Variants in GRID2 observed in about 807,000 individuals in gnomAD.
GRID2 encodes glutamate receptor ionotropic, delta-2.
A neutral mutation model predicts 114.8 loss-of-function variants in GRID2; 33 were observed. The observed-to-expected ratio is 0.29, with a 90% CI of 0.22 to 0.38. The LOEUF is 0.38. Among genes scored for constraint, GRID2 ranks in the 10% least tolerant of loss-of-function variants. GRID2 has a pLI of 1.00. For missense variants in GRID2, 1,184 were observed against 1,257.7 expected, an observed-to-expected ratio of 0.94 and a Z score of 0.89; for synonymous variants, 505 against 449.9, an observed-to-expected ratio of 1.12 and a Z score of -1.55.
At chr4:92,510,358 TC>T (rs377469984) in intron 1 of GRID2, among the ~76,000 whole-genome samples, 12 of 151,990 alleles carry the variant, frequency 7.9e-5, no homozygotes, top group African/African-American at 2.6e-4. Flanking sequence ...ATTTGAGATA[TC>T]CATTAGACAT....
chr4:92,572,139 G>A (rs1367895339), intron 1 of GRID2, among the ~76,000 whole-genome samples: 1 of 151,908 alleles, frequency 6.6e-6, no homozygotes, highest in Non-Finnish European at 1.5e-5. Flanking sequence ...CTGCTAGCAA[G>A]ACTAATAAAG....
chr4:92,363,497 T>C (rs527400817), intron 1 of GRID2, among the ~76,000 whole-genome samples: 13 of 152,196 alleles, frequency 8.5e-5, no homozygotes, highest in Non-Finnish European at 1.8e-4. Context: ...GCCTAAGTAG[T>C]CATACACTCT....
intron 1 of GRID2, among the ~76,000 whole-genome samples, chr4:92,370,336 C>T (rs1182606676): frequency 6.6e-6 from 1 of 152,028 alleles, no homozygotes; most frequent in African/African-American, 2.4e-5. Flanking sequence ...CTCCTTAGTC[C>T]TTGAGAGAAA....
At chr4:93,515,468 T>G in intron 13 of GRID2, 57 bp downstream of exon 13, 1 of 1,148,558 alleles carries the variant, frequency 8.7e-7, no homozygotes, top group South Asian at 1.4e-5. Context: ...CATGCTGGAA[T>G]TGCGCAGTTG....
intron 2 of GRID2, among the ~76,000 whole-genome samples, chr4:92,909,004 ATTGT>A (rs891594627): frequency 1.1e-4 from 17 of 152,166 alleles, no homozygotes; most frequent in African/African-American, 3.9e-4. Flanking sequence ...ACATTAATTG[ATTGT>A]TCAATTTTCT....
chr4:93,807,658 G>A (rs1292850908), exon 2 of GRID2: 2 of 140,510 alleles, frequency 1.4e-5, no homozygotes. Context: ...CCAGCGCTAA[G>A]ATAAGTTTGT....
rs1752461460 is a variant in GRID2, at chr4:92,957,090, AGTCTGTTGCTTGT to A, written c.245-127904_245-127892del. Among the ~76,000 whole-genome samples, 27 of 151,982 alleles carry A rather than the reference AGTCTGTTGCTTGT, an allele frequency of 1.8e-4. 1 individual carries two copies. The highest frequency in any genetic ancestry group is 1.5e-5 in the Non-Finnish European group (1 of 68,008). ...ATGTCTTTTGCACGTATTTTCTCTC[AGTCTGTTGCTTGT>A]TTTATCATTCTCTTGACAGTATCTT... On this transcript the variant is annotated intron_variant, in intron 2 of 15. Coordinates refer to ENST00000282020, the MANE Select transcript of GRID2 (RefSeq NM_001510.4).
At chr4:92,775,815 G>A (rs1467944839) in intron 2 of GRID2, among the ~76,000 whole-genome samples, 1 of 152,064 alleles carries the variant, frequency 6.6e-6, no homozygotes, top group African/African-American at 2.4e-5. Context: ...TATCATAACT[G>A]TCATCCTTCA....
At chr4:92,782,806 G>A (rs932375129) in intron 2 of GRID2, among the ~76,000 whole-genome samples, 2 of 152,004 alleles carry the variant, frequency 1.3e-5, no homozygotes, top group Admixed American at 1.3e-4. Flanking sequence ...CTAGGGAAGT[G>A]GTTTGGAGGA....
rs558471043 is a variant in GRID2, at chr4:93,166,568, G to A, written c.736-40836G>A. ...TAAGGCATGGCCATCTGTAAGGAAT[G>A]CCACACATAAACTATAGAACTATCT... On this transcript the variant is annotated intron_variant, in intron 4 of 15. Transcript: ENST00000282020. Among the ~76,000 whole-genome samples, 4 of 152,282 alleles carry A rather than the reference G, an allele frequency of 2.6e-5. No homozygotes were observed. The South Asian group carries it at 8.3e-4, about 32-fold the overall frequency.
intron 1 of GRID2, among the ~76,000 whole-genome samples, chr4:92,520,968 G>GA (rs1235626864): frequency 2.0e-5 from 3 of 151,084 alleles, no homozygotes; most frequent in East Asian, 2.0e-4. Flanking sequence ...CCTGAGCTGA[G>GA]AAAAAAAGGA....
intron 4 of GRID2, among the ~76,000 whole-genome samples, chr4:93,136,232 TTGTGTGTGTGTGTGTGTGTG>T (rs3970984): frequency 1.3e-4 from 19 of 142,280 alleles, no homozygotes; most frequent in South Asian, 2.4e-4. Context: ...CCAACAGTTA[TTGTGTGTGTGTGTGTGTGTG>T]TGTGTGTGTG....
At chr4:93,309,908 G>A (rs1438001904) in intron 8 of GRID2, among the ~76,000 whole-genome samples, 1 of 152,148 alleles carries the variant, frequency 6.6e-6, no homozygotes, top group Non-Finnish European at 1.5e-5. Context: ...TAATGATAAT[G>A]ATAAAATTGA....
intron 2 of GRID2, among the ~76,000 whole-genome samples, chr4:93,071,946 T>C (rs2149306004): frequency 6.6e-6 from 1 of 152,242 alleles, no homozygotes; most frequent in Non-Finnish European, 1.5e-5. Context: ...TGTTTAAATG[T>C]AATTAAAAAC....
At chr4:92,338,220 A>G (rs76688871) in intron 1 of GRID2, among the ~76,000 whole-genome samples, 1,854 of 152,328 alleles carry the variant, frequency 0.012, 25 homozygotes, top group Non-Finnish European at 0.019. Context: ...ATAGTTTGTT[A>G]TAAATAAAAT....
chr4:92,570,810 C>G (rs1028452974), intron 1 of GRID2, among the ~76,000 whole-genome samples: 3 of 152,002 alleles, frequency 2.0e-5, no homozygotes, highest in Admixed American at 1.3e-4. Context: ...TATCTTGAGA[C>G]TTTGCTAAAA....
Position 93,395,656 on chromosome 4 carries a change from A to G in GRID2, c.1295A>G (p.Lys432Arg), listed in dbSNP as rs1765257394. The change falls in exon 9 of 16, where the codon AAG (lysine) becomes AGG (arginine). Residue 432 changes from lysine to arginine, a missense_variant. Lys to Arg is a conservative substitution (Grantham distance 26). This residue lies in a region of GRID2 where 717 missense variants were observed against 796.9 expected (regional missense o/e 0.90). Transcript: ENST00000282020. Reference sequence around the variant, plus strand: ...GGTCTGAATGGGTCACTGACTGACAAGAAATTGGAGAATAACATGCGTGGA... The same window carrying G: ...GGTCTGAATGGGTCACTGACTGACAGGAAATTGGAGAATAACATGCGTGGA... Reference protein sequence around the residue: ...VTGLNGSLTDKKLENNMRGVV... With the variant: ...VTGLNGSLTDRKLENNMRGVV... The G allele has an allele frequency of 6.3e-7, 1 of 1,585,964 alleles. No homozygotes were observed. The highest frequency in any genetic ancestry group is 1.3e-5 in the African/African-American group (1 of 74,160).
chr4:93,519,352 G>A (rs1031389959), intron 13 of GRID2, among the ~76,000 whole-genome samples: 8 of 152,164 alleles, frequency 5.3e-5, no homozygotes, highest in Non-Finnish European at 1.0e-4. Flanking sequence ...TACACCATGG[G>A]AAGTTCATTT....
intron 2 of GRID2, among the ~76,000 whole-genome samples, chr4:92,652,794 G>T: frequency 8.1e-6 from 1 of 122,742 alleles, no homozygotes; most frequent in Non-Finnish European, 1.7e-5. Context: ...TGGCCAAGAT[G>T]GTGAAAAAAA....
Sources: allele counts gnomAD v4.1 joint callset (sites outside exome capture counted in the v4.1 genomes callset), GRCh38; gene constraint gnomAD v4.1.1; regional missense constraint gnomAD v4.1.1; transcripts MANE v1.5; gene names NCBI Gene and HGNC (gene_info 2026-07-23, HGNC 2026-07-21).